Variants in SMARCA2 observed in about 807,000 individuals in gnomAD.
SMARCA2 encodes the protein SWI/SNF related BAF chromatin remodeling complex subunit ATPase 2.
A neutral mutation model predicts 199.8 loss-of-function variants in SMARCA2; 61 were observed. That is an observed-to-expected ratio of 0.31 (90% CI 0.25 to 0.38). The LOEUF (loss-of-function observed/expected upper bound fraction) is 0.38, where lower values mean the gene tolerates loss of function less well. Ranked by LOEUF, SMARCA2 falls within the 10% of genes least tolerant of loss-of-function variation. The pLI, the probability that SMARCA2 is intolerant of heterozygous loss-of-function variation, is 1.00. For missense variants in SMARCA2, 1,344 were observed against 2,012.2 expected (o/e 0.67, Z 6.35); for synonymous variants, 935 against 732.0 (o/e 1.28, Z -4.48).
At chr9:2,149,174 A>G (rs1824916422) in intron 27 of SMARCA2, among the ~76,000 whole-genome samples, 1 of 151,284 alleles carries the variant, frequency 6.6e-6, no homozygotes, top group South Asian at 2.1e-4. Flanking sequence ...CAGGAGGCAA[A>G]AGGCACTTCT....
At chr9:2,134,921 C>T (rs892082598) in intron 27 of SMARCA2, among the ~76,000 whole-genome samples, 1 of 152,124 alleles carries the variant, frequency 6.6e-6, no homozygotes, top group Admixed American at 6.5e-5. Context: ...GCCTCCGAAA[C>T]TGAGAAATAA....
chr9:2,107,090 TAAAAATTTTGTTAAATTTAACAA>T (rs1822785361), intron 23 of SMARCA2, among the ~76,000 whole-genome samples: 1 of 152,112 alleles, frequency 6.6e-6, no homozygotes, highest in African/African-American at 2.4e-5. Context: ...TGAACAATAT[TAAAAATTTTGTTAAATTTAACAA>T]AAAAAATTTG....
At chr9:2,025,595 A>G (rs1005694580) in intron 1 of SMARCA2, among the ~76,000 whole-genome samples, 2 of 152,074 alleles carry the variant, frequency 1.3e-5, no homozygotes, top group African/African-American at 4.8e-5. Context: ...AGTGCTTTGG[A>G]GAAGAAAGGG....
intron 29 of SMARCA2, among the ~76,000 whole-genome samples, chr9:2,178,311 T>C (rs116133755): frequency 6.4e-4 from 98 of 152,330 alleles, no homozygotes; most frequent in African/African-American, 2.2e-3. Flanking sequence ...AGAGCCATAC[T>C]TTCTAGCCTG....
chr9:2,029,591 A>G (rs1485655130), intron 2 of SMARCA2, among the ~76,000 whole-genome samples: 1 of 152,244 alleles, frequency 6.6e-6, no homozygotes, highest in Non-Finnish European at 1.5e-5. Context: ...TAAGTAACTT[A>G]TCCACTAATG....
intron 18 of SMARCA2, 137 bp downstream of exon 18, chr9:2,087,208 G>A: frequency 2.9e-6 from 3 of 1,018,408 alleles, no homozygotes; most frequent in Non-Finnish European, 4.3e-6. Flanking sequence ...CCCATCGGTG[G>A]GTGGACATGG....
At chr9:2,158,149 A>G (rs567466691) in intron 27 of SMARCA2, 1 of 196,424 alleles carries the variant, frequency 5.1e-6, no homozygotes, top group Admixed American at 6.7e-5. Context: ...AAGAAAAGAG[A>G]GAAAGAGGGC....
chr9:2,110,270 A>G lies in SMARCA2; in HGVS notation c.3309A>G (p.Glu1103=). Residue 1103 remains glutamate, a synonymous_variant, in exon 24 of 34, where the codon GAA becomes GAG. Coordinates refer to ENST00000349721, the MANE Select transcript of SMARCA2 (RefSeq NM_003070.5). This position sits in a 1 kb window ranked among gnomAD's most constrained non-coding sequence, Gnocchi z 4.8. ...TCCCCTCAGGCACCACCAAGTCTGA[A>G]GATCGTGCTGCTTTGCTGAAGAAAT... ...YLRLDGTTKS[E]DRAALLKKFN... 1.2e-6 allele frequency: 2 copies of G among 1,611,940 alleles called. No homozygotes were observed. Among genetic ancestry groups the G allele is most frequent in the Non-Finnish European group, 1.7e-6 (2 of 1,179,202 alleles).
At chr9:2,042,479 G>A (rs1819648935) in intron 4 of SMARCA2, 1 of 152,232 alleles carries the variant, frequency 6.6e-6, no homozygotes, top group Non-Finnish European at 1.5e-5. Flanking sequence ...GTAGGAAGCA[G>A]AATGATTTGT....
At chr9:2,171,526 T>G (rs570119131) in intron 29 of SMARCA2, among the ~76,000 whole-genome samples, 2 of 152,338 alleles carry the variant, frequency 1.3e-5, no homozygotes, top group South Asian at 4.1e-4. Context: ...TTTTTGATAT[T>G]TCTTATTGCA....
chr9:2,175,751 A>G (rs1232705771), intron 29 of SMARCA2, among the ~76,000 whole-genome samples: 1 of 152,168 alleles, frequency 6.6e-6, no homozygotes, highest in Non-Finnish European at 1.5e-5. Context: ...AGAGTAAATT[A>G]TTATTTTTCA....
intron 31 of SMARCA2, among the ~76,000 whole-genome samples, chr9:2,184,889 C>G (rs188460946): frequency 1.4e-3 from 219 of 152,258 alleles, no homozygotes; most frequent in Middle Eastern, 3.4e-3. Context: ...CTGTCATACT[C>G]ATACTCACTG....
In SMARCA2 at chr9:2,119,598, A is replaced by C; in HGVS notation, c.3762+63A>C. On this transcript the variant is annotated intron_variant, in intron 26 of 33. Coordinates refer to ENST00000349721, the MANE Select transcript of SMARCA2 (RefSeq NM_003070.5). This position sits in a 1 kb window ranked among gnomAD's most constrained non-coding sequence, Gnocchi z 4.6. ...ACCTCTGCCCCTTTTTCTGTTAAGC[A>C]GAATGTCTGCAGCCTGCGTGCCTGG... 1 of 1,147,608 alleles carries C rather than the reference A, an allele frequency of 8.7e-7. No individual in the cohort carries two copies. Among genetic ancestry groups the C allele is most frequent in the Non-Finnish European group, 1.3e-6 (1 of 762,778 alleles). 71.1% of individuals were successfully genotyped at this position (1,147,608 alleles called of 1,614,324 possible). A position where few individuals can be genotyped will look rare whatever the true frequency, so the allele number is the denominator to read the frequency against.
At chr9:2,162,582 T>A (rs1295371474) in intron 28 of SMARCA2, among the ~76,000 whole-genome samples, 1 of 152,172 alleles carries the variant, frequency 6.6e-6, no homozygotes, top group Non-Finnish European at 1.5e-5. Flanking sequence ...GATGAACTAG[T>A]TAGGCTACGT....
intron 15 of SMARCA2, 24 bp from the exon 16 acceptor site, chr9:2,083,323 T>G (rs1297474159): frequency 4.7e-6 from 7 of 1,499,330 alleles, no homozygotes; most frequent in Non-Finnish European, 6.3e-6. Context: ...CTTTTTTCTG[T>G]TGTTTTTTTT....
rs374395961 is a variant in SMARCA2 at position 2,089,848 on chromosome 9, T to C, written c.2883+1235T>C. Among the ~76,000 whole-genome samples the C allele has an allele frequency of 3.3e-5, 5 of 152,316 alleles. No individual in the cohort carries two copies. The East Asian group carries it at 7.7e-4, about 24-fold the overall frequency. ...TCCTAGCATACAGTTACGGTGATTC[T>C]GCAAGTGATAGAGATGGAATGTTAA... On this transcript the variant is annotated intron_variant, in intron 19 of 33. Transcript: ENST00000349721.
rs1041316409 is a variant in SMARCA2, at chr9:2,192,896, C to G, written c.*157C>G. ...ATAGTGCCAGACAAACATATGATAT[C>G]ATGGTGTAAAAAACACACACATACA... On this transcript the variant is annotated 3_prime_UTR_variant, in exon 34 of 34. Transcript: ENST00000349721. 4.8e-6 allele frequency: 3 copies of G among 621,184 alleles called. No homozygotes were observed. In the African/African-American group the frequency reaches 5.6e-5, roughly 12 times the overall value. 38.5% of individuals were successfully genotyped at this position (621,184 alleles called of 1,614,324 possible). A position where few individuals can be genotyped will look rare whatever the true frequency, so the allele number is the denominator to read the frequency against.
intron 29 of SMARCA2, among the ~76,000 whole-genome samples, chr9:2,172,006 A>AG (rs1826272237): frequency 6.6e-6 from 1 of 152,188 alleles, no homozygotes; most frequent in South Asian, 2.1e-4. Context: ...ACACATTTAA[A>AG]CTGTAATTTC....
rs1203661729 is a variant in SMARCA2, at chr9:2,182,157, A to C, written c.4376A>C (p.His1459Pro). ...FKKIKERIRN[H>P]KYRSLGDLEK... is the part of the protein sequence containing the mutation. ...TTCCATCAGGAAAGGATTCGTAATC[A>C]TAAGTACCGGAGCCTAGGCGACCTG... The change falls in exon 31 of 34, where the codon CAT (histidine) becomes CCT (proline). Residue 1459 changes from histidine (H) to proline (P), a missense_variant. Physicochemically the swap from His to Pro is moderately conservative, Grantham distance 77. This residue lies in a region of SMARCA2 where 151 missense variants were observed against 154.0 expected (regional missense o/e 0.98). Transcript: ENST00000349721. 1 of 1,609,628 alleles carries C rather than the reference A, an allele frequency of 6.2e-7. No individual in the cohort carries two copies. The highest frequency in any genetic ancestry group is 2.2e-5 in the East Asian group (1 of 44,862).
Sources: gnomAD v4.1 joint callset for allele counts (sites outside exome capture counted in the v4.1 genomes callset) on GRCh38, gnomAD v4.1.1 for gene constraint, gnomAD v4.1.1 regional missense constraint, Gnocchi (gnomAD v3.1) non-coding constraint, MANE v1.5 for transcripts, NCBI Gene and HGNC (gene_info 2026-07-23, HGNC 2026-07-21) for gene names.